The following FCRL3 variants were observed in gnomAD, a reference collection of about 807,000 sequenced individuals.
FCRL3 encodes the protein Fc receptor like 3.
In FCRL3, 89 loss-of-function variants were observed where a neutral mutation model predicts 75.0. The ratio of observed to expected loss-of-function variants is 1.19; its 90% confidence interval spans 1.00 to 1.42. The LOEUF (loss-of-function observed/expected upper bound fraction) is 1.42, where lower values mean the gene tolerates loss of function less well. Among genes scored for constraint, FCRL3 ranks in the 40% most tolerant of loss-of-function variants. The probability of loss-of-function intolerance (pLI) is 0.00; values close to 1 mark genes in which losing one functional copy is unlikely to be tolerated. For missense variants in FCRL3, 946 were observed against 880.0 expected, an observed-to-expected ratio of 1.07 and a Z score of -0.95; for synonymous variants, 376 against 348.5, an observed-to-expected ratio of 1.08 and a Z score of -0.88.
chr1:157,683,264 A>G lies in FCRL3; in HGVS notation c.1811-20T>C. 3.7e-6 allele frequency: 6 copies of G among 1,613,462 alleles called. No homozygotes were observed. Among genetic ancestry groups the G allele is most frequent in the Non-Finnish European group, 5.1e-6 (6 of 1,179,722 alleles). On this transcript the variant is annotated intron_variant, in intron 10 of 14. Transcript: ENST00000368184. ...GTCCTCCTGCAAAACAAACAAAGGA[A>G]GGTTGGTGGTAAGTGAGCTGTGTAA... is the stretch of plus-strand genomic sequence containing the variant.
At chr1:157,699,424 T>G (rs1005626782) in intron 3 of FCRL3, among the ~76,000 whole-genome samples, 2 of 151,958 alleles carry the variant, frequency 1.3e-5, no homozygotes, top group East Asian at 3.9e-4. Flanking sequence ...GATTCCTTCA[T>G]CATCAGCCTC....
At chr1:157,679,788 T>G (rs969703457) in intron 13 of FCRL3, among the ~76,000 whole-genome samples, 2 of 118,726 alleles carry the variant, frequency 1.7e-5, no homozygotes, top group South Asian at 6.0e-4. Flanking sequence ...AAGATCGCAC[T>G]GCTGCACTCC....
At chr1:157,690,913 C>T (rs1193975812) in intron 8 of FCRL3, among the ~76,000 whole-genome samples, 1 of 152,112 alleles carries the variant, frequency 6.6e-6, no homozygotes, top group Non-Finnish European at 1.5e-5. Context: ...GACTTCCATA[C>T]CTATCTAAAG....
chr1:157,697,975 T>G, intron 4 of FCRL3, 56 bp from the exon 5 acceptor site: 2 of 1,570,594 alleles, frequency 1.3e-6, no homozygotes, highest in South Asian at 2.3e-5. Context: ...TGCCTTCACT[T>G]TCATTTCCAC....
chr1:157,682,063 A>G (rs1338548388), intron 11 of FCRL3, among the ~76,000 whole-genome samples: 1 of 151,526 alleles, frequency 6.6e-6, no homozygotes, highest in Non-Finnish European at 1.5e-5. Context: ...GTCTGTTCAT[A>G]TCCTTTGCCC....
At chr1:157,693,397 C>A (rs1655679015) in intron 8 of FCRL3, among the ~76,000 whole-genome samples, 1 of 151,810 alleles carries the variant, frequency 6.6e-6, no homozygotes, top group African/African-American at 2.4e-5. Flanking sequence ...AAAACCCTTG[C>A]ATAGTTAGAC....
intron 4 of FCRL3, 84 bp downstream of exon 4, chr1:157,698,300 T>A (rs1432130876): frequency 1.3e-6 from 2 of 1,524,720 alleles, no homozygotes; most frequent in East Asian, 2.2e-5. Context: ...TGCTTACAAC[T>A]CTGCCTAGGA....
Position 157,696,136 on chromosome 1 carries a change from GA to G in FCRL3, c.1035del (p.Leu346SerfsTer3). ...TQRSLLAELH[V>X]LTVKESDAGR... The stretch of plus-strand genomic sequence containing the variant: ...CCTGCATCACTCTCCTTCACGGTGA[GA>G]ACATGCAGCTCTGCCAACAGGGAAC... On this transcript the variant is annotated frameshift_variant, in exon 7 of 15. Transcript: ENST00000368184. LOFTEE classifies it high-confidence loss of function. 6.2e-7 allele frequency: 1 copy of G among 1,613,932 alleles called. No individual in the cohort carries two copies. Among genetic ancestry groups the G allele is most frequent in the South Asian group, 1.1e-5 (1 of 91,062 alleles).
chr1:157,698,257 C>A, intron 4 of FCRL3, 127 bp downstream of exon 4: 1 of 1,135,892 alleles, frequency 8.8e-7, no homozygotes, highest in Admixed American at 2.1e-5. Flanking sequence ...TCTTTATTTT[C>A]CCCACTGGGG....
At position 157,693,720 on chromosome 1, in the gene FCRL3, C is replaced by A. The variant is rs952823964; in HGVS notation, c.1411+1609G>T. 4.8e-5 allele frequency among the ~76,000 whole-genome samples: 7 copies of A among 146,622 alleles called. No homozygotes were observed. The Admixed American group carries it at 4.8e-4, about 10-fold the overall frequency. ...CCTTCCTTCCTTCCTCCCTTCCTTC[C>A]TTCCTTTCTCTCTCTCTCTCTCTCT... On this transcript the variant is annotated intron_variant, in intron 8 of 14. Transcript: ENST00000368184.
rs1288136334 is a variant in FCRL3, at chr1:157,678,477, C to T, written c.*233G>A. 1.3e-5 allele frequency: 18 copies of T among 1,376,310 alleles called. No homozygotes were observed. In the Admixed American group the frequency reaches 1.5e-4, roughly 12 times the overall value. 85.3% of individuals were successfully genotyped at this position (1,376,310 alleles called of 1,614,324 possible). ...AGCTGAGGGCCCTCCTGCCTTGCCA[C>T]GTGTCTCCACTGTGAAAATAACACA... On this transcript the variant is annotated 3_prime_UTR_variant, in exon 15 of 15. Transcript: ENST00000368184.
rs777201212 is a variant in FCRL3 at position 157,695,650 on chromosome 1, A to G, written c.1133-43T>C. The G allele has an allele frequency of 5.2e-6, 8 of 1,553,068 alleles. No homozygotes were observed. The South Asian group carries it at 9.9e-5, about 19-fold the overall frequency. ...GCTGTCAGAGGATTCTGACGTTGTG[A>G]CAGATGCACAACCTCTCTCAAGGAG... On this transcript the variant is annotated intron_variant, in intron 7 of 14. Transcript: ENST00000368184.
At chr1:157,687,620 C>A (rs1655255351) in intron 10 of FCRL3, among the ~76,000 whole-genome samples, 1 of 150,258 alleles carries the variant, frequency 6.7e-6, no homozygotes, top group African/African-American at 2.4e-5. Flanking sequence ...AAAATGAAAT[C>A]ATGTCTTTTG....
intron 6 of FCRL3, 167 bp from the exon 7 acceptor site, chr1:157,696,494 A>AT: frequency 1.5e-6 from 1 of 647,510 alleles, no homozygotes; most frequent in Non-Finnish European, 2.6e-6. Flanking sequence ...AGGAAGCAAC[A>AT]TCCCTCTCAC....
rs1654579186 is a variant in FCRL3 at position 157,678,132 on chromosome 1, A to G, written c.*578T>C. 1.0e-6 allele frequency: 1 copy of G among 986,030 alleles called. No homozygotes were observed. Among genetic ancestry groups the G allele is most frequent in the South Asian group, 4.7e-5 (1 of 21,314 alleles). 61.1% of individuals were successfully genotyped at this position (986,030 alleles called of 1,614,324 possible). A position where few individuals can be genotyped will look rare whatever the true frequency, so the allele number is the denominator to read the frequency against. ...TAATGAAATGCTGAAGTTATTTTTC[A>G]TCATAACTAGGGTAATTTGGTTGGG... On this transcript the variant is annotated 3_prime_UTR_variant, in exon 15 of 15. Coordinates refer to ENST00000368184, the MANE Select transcript of FCRL3 (RefSeq NM_052939.4).
At chr1:157,697,994 C>A in intron 4 of FCRL3, 75 bp from the exon 5 acceptor site, 2 of 1,519,802 alleles carry the variant, frequency 1.3e-6, no homozygotes, top group Non-Finnish European at 1.8e-6. Context: ...ACCCATGAGG[C>A]AAGAGCCACA....
rs779246023 is a variant in FCRL3, at chr1:157,698,601, G to A, written c.81C>T (p.Leu27=). 1.2e-6 allele frequency: 2 copies of A among 1,613,952 alleles called. No homozygotes were observed. Among genetic ancestry groups the A allele is most frequent in the African/African-American group, 1.3e-5 (1 of 75,032 alleles). The change falls in exon 4 of 15, where the codon CTC becomes CTT. Residue 27 remains leucine, a synonymous_variant. Coordinates refer to ENST00000368184, the MANE Select transcript of FCRL3 (RefSeq NM_052939.4). ...SGVAPKAVLL[L]NPPWSTAFKG... is the part of the protein sequence containing the mutation. ...TGAAGGCTGTGGACCATGGAGGATT[G>A]AGGAGAAGTACAGCTTTTGGGGCCA...
rs879258382 is a variant in FCRL3, at chr1:157,679,828, C to CAAAAAAAAAAAAAAAA, written c.2027-856_2027-855insTTTTTTTTTTTTTTTT. Among the ~76,000 whole-genome samples, 122 of 27,916 alleles carry CAAAAAAAAAAAAAAAA rather than the reference C, an allele frequency of 4.4e-3. 21 individuals are homozygous for CAAAAAAAAAAAAAAAA. Among genetic ancestry groups the CAAAAAAAAAAAAAAAA allele is most frequent in the South Asian group, 0.019 (5 of 264 alleles). 18.3% of individuals were successfully genotyped at this position (27,916 alleles called of 152,430 possible). A position where few individuals can be genotyped will look rare whatever the true frequency, so the allele number is the denominator to read the frequency against. On this transcript the variant is annotated intron_variant, in intron 13 of 14. Transcript: ENST00000368184. ...TGGGCGACAGAACGAGACCCCATCTCACAAAAAAAAAAAAAAAAAAAAAAA... is the reference window on the plus strand; with the variant it reads ...TGGGCGACAGAACGAGACCCCATCTCAAAAAAAAAAAAAAAAACAAAAAAAAAAAAAAAAAAAAAAA...
intron 8 of FCRL3, 89 bp downstream of exon 8, chr1:157,695,240 T>C: frequency 7.3e-7 from 1 of 1,374,700 alleles, no homozygotes; most frequent in African/African-American, 1.4e-5. Context: ...TATTGGGATA[T>C]CAACCAGCAA....
Sources: gnomAD v4.1 joint callset for allele counts (sites outside exome capture counted in the v4.1 genomes callset) on GRCh38, gnomAD v4.1.1 for gene constraint, MANE v1.5 for transcripts, NCBI Gene and HGNC (gene_info 2026-07-23, HGNC 2026-07-21) for gene names.